Variants in SAAL1 observed in about 807,000 individuals in gnomAD.
SAAL1 encodes the protein serum amyloid A like 1.
In SAAL1, 42 loss-of-function variants were observed where a neutral mutation model predicts 59.8. That is an observed-to-expected ratio of 0.70 (90% CI 0.55 to 0.91). The LOEUF (loss-of-function observed/expected upper bound fraction) is 0.91. Among genes scored for constraint, SAAL1 ranks in the 40% least tolerant of loss-of-function variants. SAAL1 has a pLI of 0.00. For synonymous variants in SAAL1, 191 were observed against 194.3 expected (o/e 0.98, Z 0.14); for missense variants, 542 against 561.1 (o/e 0.97, Z 0.34).
chr11:18,101,161 T>C (rs1290394637), intron 2 of SAAL1, among the ~76,000 whole-genome samples: 1 of 152,238 alleles, frequency 6.6e-6, no homozygotes, highest in African/African-American at 2.4e-5. Flanking sequence ...TGGAATTATG[T>C]CTCATACACT....
At chr11:18,094,684 A>G (rs1359743020) in intron 3 of SAAL1, among the ~76,000 whole-genome samples, 2 of 152,176 alleles carry the variant, frequency 1.3e-5, no homozygotes, top group Non-Finnish European at 2.9e-5. Flanking sequence ...AAAAAAGCCA[A>G]TGAAAGGTGA....
chr11:18,092,229 A>G lies in SAAL1; in HGVS notation c.413+16T>C. ...AATGAATATATTAAAAAACATAATTATATAGTAAGACTTACCCAAGATTTT... is the reference window on the plus strand; with the variant it reads ...AATGAATATATTAAAAAACATAATTGTATAGTAAGACTTACCCAAGATTTT... On this transcript the variant is annotated intron_variant, in intron 4 of 11. Coordinates refer to ENST00000524803, the MANE Select transcript of SAAL1 (RefSeq NM_138421.3). 1 of 1,342,184 alleles carries G rather than the reference A, an allele frequency of 7.5e-7. No individual in the cohort carries two copies. The highest frequency in any genetic ancestry group is 1.9e-4 in the Middle Eastern group (1 of 5,386). 83.1% of individuals were successfully genotyped at this position (1,342,184 alleles called of 1,614,324 possible). A position where few individuals can be genotyped will look rare whatever the true frequency, so the allele number is the denominator to read the frequency against.
Position 18,100,029 on chromosome 11 carries a change from C to T in SAAL1, c.250-3175G>A, listed in dbSNP as rs536670859. 2.0e-5 allele frequency among the ~76,000 whole-genome samples: 3 copies of T among 152,334 alleles called. No homozygotes were observed. In the South Asian group the frequency reaches 6.2e-4, roughly 32 times the overall value. Reference sequence around the variant, plus strand: ...ACATGACTTTGCCCTGCACCAATAACCTCCTTCAAACAGTAGCGCTGTTTT... The same window carrying T: ...ACATGACTTTGCCCTGCACCAATAATCTCCTTCAAACAGTAGCGCTGTTTT... On this transcript the variant is annotated intron_variant, in intron 2 of 11. Coordinates refer to ENST00000524803, the MANE Select transcript of SAAL1 (RefSeq NM_138421.3).
At chr11:18,102,121 G>C (rs1848640586) in intron 2 of SAAL1, among the ~76,000 whole-genome samples, 1 of 152,124 alleles carries the variant, frequency 6.6e-6, no homozygotes, top group African/African-American at 2.4e-5. Flanking sequence ...AAGTTTATTG[G>C]CTGGGTGCGG....
intron 1 of SAAL1, among the ~76,000 whole-genome samples, chr11:18,104,744 T>C (rs12360537): frequency 0.39 from 58,560 of 151,974 alleles, 11,588 homozygotes; most frequent in Middle Eastern, 0.44. Flanking sequence ...TGGTGAACAG[T>C]TCAGAGTTGA....
chr11:18,081,404 T>C lies in SAAL1; in HGVS notation c.1332+7A>G. On this transcript the variant is annotated splice_region_variant and intron_variant, in intron 11 of 11. Transcript: ENST00000524803. ...TTGGCCACCTATATACATTTACCCATACTCACCACAGGGCTATAGAAAGGA... is the reference window on the plus strand; with the variant it reads ...TTGGCCACCTATATACATTTACCCACACTCACCACAGGGCTATAGAAAGGA... 6.2e-7 allele frequency: 1 copy of C among 1,606,478 alleles called. No individual in the cohort carries two copies. Among genetic ancestry groups the C allele is most frequent in the Non-Finnish European group, 8.5e-7 (1 of 1,173,460 alleles).
At chr11:18,102,773 T>C (rs1392666655) in intron 2 of SAAL1, among the ~76,000 whole-genome samples, 3 of 152,226 alleles carry the variant, frequency 2.0e-5, no homozygotes, top group Non-Finnish European at 2.9e-5. Flanking sequence ...TAGAATACTA[T>C]ATATGAAAAT....
chr11:18,081,551 C>G (rs1848410010), intron 10 of SAAL1, 48 bp from the exon 11 acceptor site: 1 of 1,396,796 alleles, frequency 7.2e-7, no homozygotes, highest in Admixed American at 1.7e-5. Flanking sequence ...ATTTTTCAAG[C>G]TTTAACTAGT....
chr11:18,083,039 A>T (rs1848426814), intron 10 of SAAL1, among the ~76,000 whole-genome samples: 1 of 152,248 alleles, frequency 6.6e-6, no homozygotes, highest in Non-Finnish European at 1.5e-5. Context: ...ACATATTCAT[A>T]ATACATTTCT....
intron 10 of SAAL1, 75 bp from the exon 11 acceptor site, chr11:18,081,578 G>T: frequency 9.0e-7 from 1 of 1,105,266 alleles, no homozygotes; most frequent in Non-Finnish European, 1.4e-6. Flanking sequence ...AAACAAATCA[G>T]GATATTCAAT....
intron 7 of SAAL1, among the ~76,000 whole-genome samples, chr11:18,087,755 TCAAC>T (rs1441575432): frequency 6.6e-6 from 1 of 152,238 alleles, no homozygotes; most frequent in Non-Finnish European, 1.5e-5. Context: ...TCTTAGTTCT[TCAAC>T]CAAACAAGTG....
chr11:18,097,756 T>C (rs1309193732), intron 2 of SAAL1, among the ~76,000 whole-genome samples: 1 of 151,800 alleles, frequency 6.6e-6, no homozygotes, highest in Non-Finnish European at 1.5e-5. Context: ...GGAGGATCAC[T>C]TGAGCCTGGG....
intron 4 of SAAL1, among the ~76,000 whole-genome samples, chr11:18,092,027 C>A (rs1042912150): frequency 3.3e-5 from 5 of 152,108 alleles, no homozygotes; most frequent in Admixed American, 1.3e-4. Flanking sequence ...AATTCAGGTT[C>A]CTTTGCTACT....
At chr11:18,086,593 T>C (rs1198393290) in intron 9 of SAAL1, among the ~76,000 whole-genome samples, 8 of 151,762 alleles carry the variant, frequency 5.3e-5, no homozygotes, top group Admixed American at 5.3e-4. Context: ...CCCAGGTACT[T>C]GGGAGGCTGA....
At chr11:18,090,959 T>C (rs1048724231) in intron 4 of SAAL1, 1 of 152,896 alleles carries the variant, frequency 6.5e-6, no homozygotes. Flanking sequence ...AGTCTTCATT[T>C]ATTTGCTGAA....
chr11:18,092,177 A>G (rs911061538), intron 4 of SAAL1, 68 bp downstream of exon 4: 3 of 780,714 alleles, frequency 3.8e-6, no homozygotes, highest in African/African-American at 1.8e-5. Flanking sequence ...TACTTTTCCT[A>G]TGTATTAGAA....
Position 18,080,473 on chromosome 11 carries a change from T to C in SAAL1, c.1351A>G (p.Ile451Val). The C allele has an allele frequency of 6.3e-7, 1 of 1,580,578 alleles. No individual in the cohort carries two copies. Among genetic ancestry groups the C allele is most frequent in the African/African-American group, 1.4e-5 (1 of 72,582 alleles). The change falls in exon 12 of 12, where the codon ATC becomes GTC. Residue 451 changes from isoleucine to valine, a missense_variant. By Grantham distance (29) the Ile-to-Val change is conservative (BLOSUM62 3). Coordinates refer to ENST00000524803, the MANE Select transcript of SAAL1 (RefSeq NM_138421.3). ...YSPVVEDFIK[I>V]LREVDKALAD... Reference sequence around the variant, plus strand: ...AGCGCCTTATCAACTTCACGTAGGATTTTAATAAAATCTTCCACCTGTGAG... The same window carrying C: ...AGCGCCTTATCAACTTCACGTAGGACTTTAATAAAATCTTCCACCTGTGAG...
At chr11:18,102,545 CT>C (rs1251037108) in intron 2 of SAAL1, among the ~76,000 whole-genome samples, 1 of 151,940 alleles carries the variant, frequency 6.6e-6, no homozygotes, top group Non-Finnish European at 1.5e-5. Context: ...ACAATTAAGT[CT>C]GTATTTCCGG....
chr11:18,083,458 A>T (rs553161787), intron 10 of SAAL1, 77 bp downstream of exon 10: 78 of 703,368 alleles, frequency 1.1e-4, no homozygotes, highest in Non-Finnish European at 1.5e-4. Context: ...TTTCATATTT[A>T]AAAAAAAATA....
Sources: allele counts gnomAD v4.1 joint callset (sites outside exome capture counted in the v4.1 genomes callset), GRCh38; gene constraint gnomAD v4.1.1; transcripts MANE v1.5; gene names NCBI Gene and HGNC (gene_info 2026-07-23, HGNC 2026-07-21).